The following COL4A4 variants were observed in gnomAD, a reference collection of about 807,000 sequenced individuals.
The protein encoded by COL4A4 is collagen alpha-4(IV) chain.
Under a neutral mutation model 192.9 loss-of-function variants are expected in COL4A4, and 105 were observed. The observed-to-expected ratio is 0.54, with a 90% confidence interval of 0.46 to 0.64. The LOEUF (loss-of-function observed/expected upper bound fraction) is 0.64, where lower values mean the gene tolerates loss of function less well. COL4A4 is among the 30% of genes least tolerant of loss of function. COL4A4 has a pLI of 0.00. For missense variants in COL4A4, 1,967 were observed against 2,169.3 expected (o/e 0.91, Z 1.85); for synonymous variants, 762 against 769.9 (o/e 0.99, Z 0.17).
intron 43 of COL4A4, among the ~76,000 whole-genome samples, chr2:227,023,672 C>T (rs986853490): frequency 3.9e-5 from 6 of 152,074 alleles, no homozygotes; most frequent in African/African-American, 7.2e-5. Flanking sequence ...TAAATCCTCC[C>T]GAGAAGACTG....
rs1404545457 is a variant in COL4A4, at chr2:227,006,609, C to G, written c.*716G>C. 6.6e-6 allele frequency: 1 copy of G among 152,086 alleles called. No individual in the cohort carries two copies. The highest frequency in any genetic ancestry group is 2.4e-5 in the African/African-American group (1 of 41,400). The allele number at this position is 152,086 out of a possible 1,614,324, so 9.4% of individuals were successfully genotyped here. On this transcript the variant is annotated 3_prime_UTR_variant, in exon 48 of 48. Transcript: ENST00000396625. The stretch of plus-strand genomic sequence containing the variant: ...TTGCCAAAGTAGGCATTTCTATTCT[C>G]TGAAAAATGCAGAAGAGAACATAAT...
the COL4A4 span, among the ~76,000 whole-genome samples, chr2:226,981,920 A>G: frequency 6.6e-6 from 1 of 152,238 alleles, no homozygotes; most frequent in Non-Finnish European, 1.5e-5. Flanking sequence ...TACTCCAAAC[A>G]GATAAAGGTT....
intron 22 of COL4A4, among the ~76,000 whole-genome samples, chr2:227,084,511 G>A (rs1372537337): frequency 2.0e-5 from 3 of 151,818 alleles, no homozygotes; most frequent in African/African-American, 7.2e-5. Flanking sequence ...ACTTATTTGA[G>A]CTAGTAAGGA....
chr2:227,126,837 T>A (rs2062119193), intron 4 of COL4A4, among the ~76,000 whole-genome samples: 1 of 152,216 alleles, frequency 6.6e-6, no homozygotes, highest in Non-Finnish European at 1.5e-5. Flanking sequence ...AATTGTTTCA[T>A]GTAAAAGAAT....
intron 43 of COL4A4, among the ~76,000 whole-genome samples, 166 bp downstream of exon 43, chr2:227,025,636 A>G (rs1355547173): frequency 3.3e-5 from 5 of 152,224 alleles, no homozygotes; most frequent in Non-Finnish European, 7.3e-5. Context: ...TGAGGTTACT[A>G]TATCTGTAAC....
intron 41 of COL4A4, among the ~76,000 whole-genome samples, chr2:227,030,055 A>G (rs576199138): frequency 1.1e-4 from 16 of 152,088 alleles, no homozygotes; most frequent in African/African-American, 3.6e-4. Context: ...TCATTGATAA[A>G]TGTATATTAA....
intron 1 of COL4A4, among the ~76,000 whole-genome samples, chr2:227,154,696 T>A (rs1017925693): frequency 1.3e-5 from 2 of 152,238 alleles, no homozygotes; most frequent in Admixed American, 6.5e-5. Context: ...CATTTCTCTT[T>A]CTAAAACAGA....
chr2:227,132,861 A>G (rs1400147665), intron 4 of COL4A4, among the ~76,000 whole-genome samples: 1 of 152,220 alleles, frequency 6.6e-6, no homozygotes, highest in Non-Finnish European at 1.5e-5. Flanking sequence ...TTGGCAAATT[A>G]TTGAATATGG....
At chr2:226,981,492 G>A in the COL4A4 span, among the ~76,000 whole-genome samples, 1 of 150,502 alleles carries the variant, frequency 6.6e-6, no homozygotes. Context: ...GCCTCTGTAG[G>A]TTAGCACACA....
In COL4A4 at chr2:227,031,982, A is replaced by C. The variant is rs767134668; in HGVS notation, c.3780T>G (p.Pro1260=). 11 of 1,613,856 alleles carry C rather than the reference A, an allele frequency of 6.8e-6. No individual in the cohort carries two copies. Among genetic ancestry groups the C allele is most frequent in the Non-Finnish European group, 9.3e-6 (11 of 1,179,766 alleles). ...APKDIPDPGP[P]GDQGPPGPDG... Reference sequence around the variant, plus strand: ...CAGGACCAGGAGGTCCCTGATCTCCAGGTGGACCCGGGTCAGGAATGTCCT... The same window carrying C: ...CAGGACCAGGAGGTCCCTGATCTCCCGGTGGACCCGGGTCAGGAATGTCCT... The change falls in exon 40 of 48, where the codon CCT becomes CCG. Residue 1260 remains proline (P), a synonymous_variant. Coordinates refer to ENST00000396625, the MANE Select transcript of COL4A4 (RefSeq NM_000092.5).
intron 17 of COL4A4, 146 bp from the exon 18 acceptor site, chr2:227,099,835 A>C: frequency 1.4e-6 from 1 of 731,460 alleles, no homozygotes; most frequent in South Asian, 1.5e-5. Flanking sequence ...GCATCCATGG[A>C]GTCTTAGGAG....
intron 37 of COL4A4, among the ~76,000 whole-genome samples, chr2:227,040,005 C>T (rs1970459103): frequency 6.6e-6 from 1 of 152,192 alleles, no homozygotes; most frequent in African/African-American, 2.4e-5. Flanking sequence ...ATAAATGGCT[C>T]CTGTCTCCAC....
chr2:227,078,553 T>G (rs2059157711), intron 24 of COL4A4, among the ~76,000 whole-genome samples: 1 of 152,208 alleles, frequency 6.6e-6, no homozygotes, highest in African/African-American at 2.4e-5. Context: ...CATTTTACAA[T>G]TTATATACAT....
At chr2:227,060,108 A>T in intron 27 of COL4A4, 28 bp downstream of exon 27, 1 of 1,105,096 alleles carries the variant, frequency 9.0e-7, no homozygotes, top group Non-Finnish European at 1.3e-6. Flanking sequence ...GCAGAAAAAA[A>T]AAAAAAAAAA....
chr2:227,053,793 G>A lies in COL4A4; in HGVS notation c.2860+801C>T, dbSNP rs534198084. ...GATCTCCTGACCTCATGATCTGCCC[G>A]TCTCGGCCTCCCAAAGTGCTGGGAT... On this transcript the variant is annotated intron_variant, in intron 31 of 47. Transcript: ENST00000396625. Among the ~76,000 whole-genome samples, 8 of 152,028 alleles carry A rather than the reference G, an allele frequency of 5.3e-5. No homozygotes were observed. The South Asian group carries it at 6.2e-4, about 12-fold the overall frequency.
At chr2:227,086,846 C>G (rs1364175257) in intron 22 of COL4A4, among the ~76,000 whole-genome samples, 1 of 152,224 alleles carries the variant, frequency 6.6e-6, no homozygotes, top group Admixed American at 6.5e-5. Flanking sequence ...TTAACAATTG[C>G]AACCATGCTT....
intron 4 of COL4A4, among the ~76,000 whole-genome samples, chr2:227,124,260 G>A (rs2061963142): frequency 6.6e-6 from 1 of 152,112 alleles, no homozygotes; most frequent in Non-Finnish European, 1.5e-5. Flanking sequence ...CATTCTATGA[G>A]GTTGGTGCAA....
chr2:227,077,077 G>C (rs969798105), intron 25 of COL4A4, among the ~76,000 whole-genome samples: 2 of 152,184 alleles, frequency 1.3e-5, no homozygotes, highest in Admixed American at 1.3e-4. Flanking sequence ...GGAAGACAGT[G>C]TGGTGATTCC....
rs898502859 is a variant in COL4A4, at chr2:227,005,266, G to A, written c.*2059C>T. 6.6e-6 allele frequency: 1 copy of A among 151,704 alleles called. No individual in the cohort carries two copies. Among genetic ancestry groups the A allele is most frequent in the Non-Finnish European group, 1.5e-5 (1 of 67,970 alleles). 9.4% of individuals were successfully genotyped at this position (151,704 alleles called of 1,614,324 possible). A position where few individuals can be genotyped will look rare whatever the true frequency, so the allele number is the denominator to read the frequency against. ...AATATTCTAATACCAACATTAAAGT[G>A]TTTAAAATAATTAGCAAGCAAGATA... On this transcript the variant is annotated 3_prime_UTR_variant, in exon 48 of 48. Coordinates refer to ENST00000396625, the MANE Select transcript of COL4A4 (RefSeq NM_000092.5).
Sources: allele counts gnomAD v4.1 joint callset (sites outside exome capture counted in the v4.1 genomes callset), GRCh38; gene constraint gnomAD v4.1.1; transcripts MANE v1.5; gene names NCBI Gene and HGNC (gene_info 2026-07-23, HGNC 2026-07-21).